The following GNG7 variants were observed in gnomAD, a reference collection of about 807,000 sequenced individuals.
GNG7 encodes guanine nucleotide-binding protein G(I)/G(S)/G(O) subunit gamma-7.
In GNG7, 1 loss-of-function variant was observed where a neutral mutation model predicts 4.0. The observed-to-expected ratio is 0.25, with a 90% CI of 0.09 to 1.18. The LOEUF (loss-of-function observed/expected upper bound fraction) is 1.18. Among genes scored for constraint, GNG7 ranks in the 50% most tolerant of loss-of-function variants. The probability of loss-of-function intolerance (pLI) is 0.50; values close to 1 mark genes in which losing one functional copy is unlikely to be tolerated. For missense variants in GNG7, 86 were observed against 91.9 expected (o/e 0.94, Z 0.26); for synonymous variants, 34 against 36.9 (o/e 0.92, Z 0.29).
intron 1 of GNG7, among the ~76,000 whole-genome samples, chr19:2,695,410 C>T (rs2144914163): frequency 6.6e-6 from 1 of 152,294 alleles, no homozygotes; most frequent in South Asian, 2.1e-4. Context: ...ATCTCCACGG[C>T]CCCCACACCA....
chr19:2,567,042 T>C (rs1482519262), intron 2 of GNG7, among the ~76,000 whole-genome samples: 1 of 151,000 alleles, frequency 6.6e-6, no homozygotes, highest in Non-Finnish European at 1.5e-5. Context: ...GAGGCGGAGC[T>C]TGCAGTGAGC....
rs554804000 is a variant in GNG7, at chr19:2,536,295, G to A, written c.-37-15570C>T. On this transcript the variant is annotated intron_variant, in intron 3 of 4. Coordinates refer to ENST00000382159, the MANE Select transcript of GNG7 (RefSeq NM_052847.3). ...TAGCTGGGTGTGGTGGCGGGCGCCT[G>A]TAGTCCCAGCTACTCAGGAGGCTGA... 9.2e-5 allele frequency among the ~76,000 whole-genome samples: 14 copies of A among 151,942 alleles called. No homozygotes were observed. In the East Asian group the frequency reaches 2.3e-3, roughly 25 times the overall value.
intron 2 of GNG7, chr19:2,643,049 C>T (rs1034644504): frequency 6.6e-6 from 3 of 452,958 alleles, no homozygotes; most frequent in South Asian, 3.1e-5. Context: ...AATGCAAAGT[C>T]TGAGCCCTCT....
At chr19:2,541,465 T>G (rs921134159) in intron 3 of GNG7, among the ~76,000 whole-genome samples, 1 of 151,474 alleles carries the variant, frequency 6.6e-6, no homozygotes, top group African/African-American at 2.4e-5. Context: ...CCGGGGGCAG[T>G]GGCTCACGCC....
intron 1 of GNG7, among the ~76,000 whole-genome samples, chr19:2,697,917 A>T (rs1213976512): frequency 6.6e-6 from 1 of 151,700 alleles, no homozygotes; most frequent in Non-Finnish European, 1.5e-5. Flanking sequence ...GGTTGCAATG[A>T]GACAAGATGG....
chr19:2,638,666 C>T (rs1488195780), intron 2 of GNG7, among the ~76,000 whole-genome samples: 12 of 149,802 alleles, frequency 8.0e-5, no homozygotes, highest in Non-Finnish European at 1.8e-4. Context: ...TGTCCCTGAC[C>T]TCCAACCACT....
Position 2,633,774 on chromosome 19 carries a change from C to T in GNG7, c.-78+12450G>A, listed in dbSNP as rs1484733786. Among the ~76,000 whole-genome samples the T allele has an allele frequency of 1.3e-5, 2 of 152,056 alleles. No homozygotes were observed. The highest frequency in any genetic ancestry group is 2.9e-5 in the Non-Finnish European group (2 of 67,998). ...GACAGAAGCCTGCTCTCAACTCACC[C>T]GGGAGGCAGGTTCTTCTGCACCGGG... On this transcript the variant is annotated intron_variant, in intron 2 of 4. Transcript: ENST00000382159. This position sits in a 1 kb window ranked among gnomAD's most constrained non-coding sequence, Gnocchi z 5.9.
chr19:2,649,300 C>A (rs1163335331), intron 1 of GNG7, among the ~76,000 whole-genome samples: 2 of 151,856 alleles, frequency 1.3e-5, no homozygotes, highest in Non-Finnish European at 2.9e-5. Flanking sequence ...ACTACCCTGC[C>A]AGCGACACCG....
chr19:2,626,982 C>T lies in GNG7; in HGVS notation c.-78+19242G>A, dbSNP rs575279012. On this transcript the variant is annotated intron_variant, in intron 2 of 4. Transcript: ENST00000382159. This position sits in a 1 kb window ranked among gnomAD's most constrained non-coding sequence, Gnocchi z 5.0. ...GAGTGTCCTCCCTACTCACACCAGACACTGGAATAAACTCCAGATGGAGCA... is the reference window on the plus strand; with the variant it reads ...GAGTGTCCTCCCTACTCACACCAGATACTGGAATAAACTCCAGATGGAGCA... Among the ~76,000 whole-genome samples, 1 of 152,254 alleles carries T rather than the reference C, an allele frequency of 6.6e-6. No homozygotes were observed. The highest frequency in any genetic ancestry group is 1.9e-4 in the East Asian group (1 of 5,158).
intron 2 of GNG7, among the ~76,000 whole-genome samples, chr19:2,606,485 T>C (rs1981386875): frequency 6.6e-6 from 1 of 151,740 alleles, no homozygotes. Flanking sequence ...AGAAACCCCA[T>C]CTCTACTAAA....
intron 3 of GNG7, among the ~76,000 whole-genome samples, chr19:2,545,208 A>C (rs906021922): frequency 1.4e-5 from 2 of 145,146 alleles, no homozygotes; most frequent in Admixed American, 6.9e-5. Context: ...GGTTGTCGTA[A>C]CTGGGGGGTG....
intron 1 of GNG7, among the ~76,000 whole-genome samples, chr19:2,659,179 C>G (rs894985064): frequency 1.3e-5 from 2 of 151,974 alleles, no homozygotes; most frequent in Non-Finnish European, 2.9e-5. Flanking sequence ...CCGGGTTAGC[C>G]AGGATGGTCT....
At chr19:2,603,451 G>T (rs1039222579) in intron 2 of GNG7, among the ~76,000 whole-genome samples, 7 of 152,240 alleles carry the variant, frequency 4.6e-5, no homozygotes, top group East Asian at 3.8e-4. Context: ...CTCGCATCGG[G>T]TGGGACCGGC....
intron 2 of GNG7, among the ~76,000 whole-genome samples, chr19:2,628,462 C>CTT (rs1982073848): frequency 6.6e-6 from 1 of 152,074 alleles, no homozygotes; most frequent in African/African-American, 2.4e-5. Context: ...TGTTTGCTTT[C>CTT]TTTAAGGCAA....
At chr19:2,667,169 C>CA (rs1251922293) in intron 1 of GNG7, among the ~76,000 whole-genome samples, 2 of 151,862 alleles carry the variant, frequency 1.3e-5, no homozygotes, top group Non-Finnish European at 2.9e-5. Context: ...ATTAAAAATA[C>CA]AAAAATCAGC....
chr19:2,632,924 T>C (rs755853784), intron 2 of GNG7: 4 of 152,294 alleles, frequency 2.6e-5, no homozygotes, highest in Non-Finnish European at 4.4e-5. Flanking sequence ...CCTGGGCCTC[T>C]GCCTGGCCCA....
chr19:2,651,502 CCTTT>C (rs1040355774), intron 1 of GNG7, among the ~76,000 whole-genome samples: 2 of 140,052 alleles, frequency 1.4e-5, no homozygotes, highest in South Asian at 2.4e-4. Context: ...TTTCTGTCTT[CCTTT>C]GTCTCTCTCT....
chr19:2,553,987 T>TATATG (rs2144761807), intron 3 of GNG7, among the ~76,000 whole-genome samples: 1 of 142,226 alleles, frequency 7.0e-6, no homozygotes, highest in South Asian at 2.1e-4. Context: ...TTATATGTAA[T>TATATG]ATATATTACA....
chr19:2,558,275 T>C (rs1979631014), intron 2 of GNG7, among the ~76,000 whole-genome samples: 2 of 150,190 alleles, frequency 1.3e-5, no homozygotes, highest in Admixed American at 1.3e-4. Context: ...TAGGGTCTGT[T>C]ACCCAGGCTG....
Sources: allele counts gnomAD v4.1 joint callset (sites outside exome capture counted in the v4.1 genomes callset), GRCh38; gene constraint gnomAD v4.1.1; non-coding constraint Gnocchi (gnomAD v3.1); transcripts MANE v1.5; gene names NCBI Gene and HGNC (gene_info 2026-07-23, HGNC 2026-07-21).